PCCB: variants seen among roughly 807,000 people sequenced by gnomAD.
PCCB encodes propionyl-CoA carboxylase subunit beta.
In PCCB, 43 loss-of-function variants were observed where a neutral mutation model predicts 60.7. The ratio of observed to expected loss-of-function variants is 0.71; its 90% CI spans 0.55 to 0.91. PCCB has a LOEUF of 0.91. Among genes scored for constraint, PCCB ranks in the 40% least tolerant of loss-of-function variants. PCCB has a pLI of 0.00. For missense variants in PCCB, 766 were observed against 702.8 expected, an observed-to-expected ratio of 1.09 and a Z score of -1.02; for synonymous variants, 276 against 255.9, an observed-to-expected ratio of 1.08 and a Z score of -0.75.
chr3:136,264,729 G>T (rs1292325704), intron 5 of PCCB, among the ~76,000 whole-genome samples: 1 of 151,486 alleles, frequency 6.6e-6, no homozygotes, highest in Admixed American at 6.6e-5. Flanking sequence ...CAAAAAATTA[G>T]CCAGGTGTGG....
In PCCB at chr3:136,328,815, T is replaced by C. The variant is rs143190442; in HGVS notation, c.1456T>C (p.Tyr486His). 1.5e-5 allele frequency: 24 copies of C among 1,614,028 alleles called. No homozygotes were observed. Among genetic ancestry groups the C allele is most frequent in the Non-Finnish European group, 1.6e-5 (19 of 1,180,002 alleles). The change falls in exon 14 of 15, where the codon TAC becomes CAC. Residue 486 changes from tyrosine to histidine, a missense_variant. By Grantham distance (83) the Tyr-to-His change is moderately conservative. Transcript: ENST00000251654. ...GAATGTGGAAGCTGCTCAGGCAGAGTACATCGAGAAGTTTGCCAACCCTTT... is the reference window on the plus strand; with the variant it reads ...GAATGTGGAAGCTGCTCAGGCAGAGCACATCGAGAAGTTTGCCAACCCTTT... ...HENVEAAQAEYIEKFANPFPA... is the reference protein window; with the variant it reads ...HENVEAAQAEHIEKFANPFPA...
intron 3 of PCCB, among the ~76,000 whole-genome samples, chr3:136,258,856 C>T (rs1235173585): frequency 6.6e-6 from 1 of 152,026 alleles, no homozygotes; most frequent in South Asian, 2.1e-4. Context: ...CTCACCTCCA[C>T]TTTCCATGGT....
chr3:136,256,002 AC>A, intron 2 of PCCB, 27 bp downstream of exon 2: 1 of 1,614,156 alleles, frequency 6.2e-7, no homozygotes, highest in Non-Finnish European at 8.5e-7. Flanking sequence ...TGGTGTGAAC[AC>A]TTTTTAGGTG....
chr3:136,278,019 C>T (rs757006650), intron 5 of PCCB, among the ~76,000 whole-genome samples: 1 of 152,140 alleles, frequency 6.6e-6, no homozygotes, highest in African/African-American at 2.4e-5. Flanking sequence ...TGGGGAGATT[C>T]TTTCAACCTG....
Position 136,317,003 on chromosome 3 carries a change from T to C in PCCB, c.1029T>C (p.Gly343=). The change falls in exon 10 of 15, where the codon GGT becomes GGC. Residue 343 remains glycine (G), a synonymous_variant. Transcript: ENST00000251654. ...MPNYAKNIIV[G]FARMNGRTVG... ...ATTATGCCAAGAACATCATTGTTGGTTTTGCAAGAATGAATGGGAGGACTG... is the reference window on the plus strand; with the variant it reads ...ATTATGCCAAGAACATCATTGTTGGCTTTGCAAGAATGAATGGGAGGACTG... 6.2e-7 allele frequency: 1 copy of C among 1,613,922 alleles called. No homozygotes were observed. Among genetic ancestry groups the C allele is most frequent in the Non-Finnish European group, 8.5e-7 (1 of 1,179,880 alleles).
At chr3:136,275,343 GTTTT>G (rs199702040) in intron 5 of PCCB, among the ~76,000 whole-genome samples, 1 of 148,046 alleles carries the variant, frequency 6.8e-6, no homozygotes, top group Non-Finnish European at 1.5e-5. Flanking sequence ...TGTTTTTTAA[GTTTT>G]TTTTTTATGT....
At chr3:136,253,087 T>G (rs866721892) in intron 1 of PCCB, among the ~76,000 whole-genome samples, 1 of 127,054 alleles carries the variant, frequency 7.9e-6, no homozygotes, top group African/African-American at 3.1e-5. Flanking sequence ...TGGAGGTTTT[T>G]TTTTTTTTTT....
intron 5 of PCCB, among the ~76,000 whole-genome samples, chr3:136,272,089 A>G (rs1942217778): frequency 6.6e-6 from 1 of 152,168 alleles, no homozygotes; most frequent in Non-Finnish European, 1.5e-5. Context: ...ATTTTATTGC[A>G]TGCTTTTTCT....
At chr3:136,285,088 C>A (rs1220897797) in intron 6 of PCCB, among the ~76,000 whole-genome samples, 49 of 107,100 alleles carry the variant, frequency 4.6e-4, no homozygotes, top group East Asian at 1.7e-3. Flanking sequence ...GACCCTGCCT[C>A]AAAAAAAAAA....
chr3:136,315,110 A>T (rs199597392), intron 9 of PCCB, among the ~76,000 whole-genome samples: 1,718 of 152,354 alleles, frequency 0.011, 28 homozygotes, highest in East Asian at 0.045. Flanking sequence ...GGGGAAAGTT[A>T]AAGGAGCCTA....
intron 5 of PCCB, among the ~76,000 whole-genome samples, chr3:136,281,500 G>C (rs556172737): frequency 5.3e-5 from 8 of 151,994 alleles, no homozygotes; most frequent in African/African-American, 1.9e-4. Flanking sequence ...ATTTTGTTCA[G>C]ACATTGATTT....
intron 10 of PCCB, chr3:136,326,527 G>T: frequency 6.2e-6 from 4 of 649,614 alleles, no homozygotes; most frequent in Non-Finnish European, 1.1e-5. Flanking sequence ...GCTCCCTGCG[G>T]CAAGGCCGGC....
chr3:136,256,376 G>T lies in PCCB; in HGVS notation c.304-179G>T, dbSNP rs962842480. On this transcript the variant is annotated intron_variant, in intron 2 of 14. Transcript: ENST00000251654. ...ATTCACTCCTATTGATGAAGTAGTA[G>T]CCCTGTGCTTGCTGTTGTAGAGCTG... is the stretch of plus-strand genomic sequence containing the variant. 28 of 652,348 alleles carry T rather than the reference G, an allele frequency of 4.3e-5. No individual in the cohort carries two copies. In the East Asian group the frequency reaches 7.7e-4, roughly 18 times the overall value. 40.4% of individuals were successfully genotyped at this position (652,348 alleles called of 1,614,324 possible).
chr3:136,270,114 G>A (rs1242147163), intron 5 of PCCB, among the ~76,000 whole-genome samples: 1 of 150,758 alleles, frequency 6.6e-6, no homozygotes, highest in Admixed American at 6.7e-5. Flanking sequence ...TTCTGCATCT[G>A]TGAGATAATC....
chr3:136,308,234 C>T (rs1576346202), intron 9 of PCCB, among the ~76,000 whole-genome samples: 6 of 130,324 alleles, frequency 4.6e-5, no homozygotes, highest in Admixed American at 1.6e-4. Flanking sequence ...TAAGGAAGGA[C>T]TTTTTTTTTT....
chr3:136,260,149 C>G, intron 3 of PCCB: 1 of 418,182 alleles, frequency 2.4e-6, no homozygotes, highest in Non-Finnish European at 4.5e-6. Flanking sequence ...TCTCAACTCA[C>G]TGAAGCCTCT....
intron 5 of PCCB, among the ~76,000 whole-genome samples, chr3:136,273,596 T>TA: frequency 7.9e-6 from 1 of 127,168 alleles, no homozygotes; most frequent in South Asian, 2.5e-4. Context: ...TTTTCTTTTT[T>TA]CTTTTTTTTT....
intron 3 of PCCB, 154 bp from the exon 4 acceptor site, chr3:136,260,324 TG>T (rs1420050922): frequency 1.4e-6 from 1 of 705,118 alleles, no homozygotes; most frequent in East Asian, 2.7e-5. Context: ...GCCATCCACC[TG>T]CCTTGGCCTC....
chr3:136,252,778 C>T (rs1576399505), intron 1 of PCCB, among the ~76,000 whole-genome samples: 2 of 150,792 alleles, frequency 1.3e-5, no homozygotes, highest in East Asian at 2.0e-4. Context: ...GCTGGGATTA[C>T]AGGTGTGAGC....
Sources: allele counts gnomAD v4.1 joint callset (sites outside exome capture counted in the v4.1 genomes callset), GRCh38; gene constraint gnomAD v4.1.1; transcripts MANE v1.5; gene names NCBI Gene and HGNC (gene_info 2026-07-23, HGNC 2026-07-21).